ZFHX3: variants seen among roughly 807,000 people sequenced by gnomAD.
The protein encoded by ZFHX3 is zinc finger homeobox 3.
Under a neutral mutation model 279.1 loss-of-function variants are expected in ZFHX3, and 42 were observed. The observed-to-expected ratio is 0.15, with a 90% CI of 0.12 to 0.19. The LOEUF is 0.19. ZFHX3 is among the 10% of genes least tolerant of loss of function. ZFHX3 has a pLI of 1.00. For missense variants in ZFHX3, 4,981 were observed against 4,754.0 expected, an observed-to-expected ratio of 1.05 and a Z score of -1.40; for synonymous variants, 2,293 against 1,957.8, an observed-to-expected ratio of 1.17 and a Z score of -4.52.
At chr16:73,036,617 G>A (rs886540147) in intron 1 of ZFHX3, among the ~76,000 whole-genome samples, 8 of 152,106 alleles carry the variant, frequency 5.3e-5, no homozygotes, top group Non-Finnish European at 1.0e-4. Context: ...GGTAGAGGAA[G>A]AGGAGGGGAG....
intron 5 of ZFHX3, among the ~76,000 whole-genome samples, chr16:72,815,847 G>T (rs181077343): frequency 6.6e-6 from 1 of 152,204 alleles, no homozygotes; most frequent in Non-Finnish European, 1.5e-5. Context: ...ACAACTTGAA[G>T]CGTTAGTAAC....
intron 2 of ZFHX3, among the ~76,000 whole-genome samples, chr16:73,473,867 G>T (rs11647009): frequency 6.6e-6 from 1 of 151,790 alleles, no homozygotes; most frequent in Non-Finnish European, 1.5e-5. Context: ...TGTTTCTGAA[G>T]ATCGCAAGAT....
At chr16:73,656,863 C>G (rs2052726535) in intron 2 of ZFHX3, among the ~76,000 whole-genome samples, 1 of 152,154 alleles carries the variant, frequency 6.6e-6, no homozygotes, top group Non-Finnish European at 1.5e-5. Context: ...ATGTTAAGAA[C>G]AGCCAATGCA....
intron 1 of ZFHX3, among the ~76,000 whole-genome samples, chr16:73,817,301 T>G (rs1487036503): frequency 3.3e-5 from 5 of 152,206 alleles, no homozygotes; most frequent in Non-Finnish European, 2.9e-5. Context: ...TACCTTCTAA[T>G]CAATGTAATT....
At chr16:73,881,240 A>G (rs1034179127) in intron 1 of ZFHX3, among the ~76,000 whole-genome samples, 1 of 152,158 alleles carries the variant, frequency 6.6e-6, no homozygotes, top group African/African-American at 2.4e-5. Flanking sequence ...CCATTTTCAC[A>G]TAATGGATGG....
chr16:73,065,198 T>G (rs895791835), intron 8 of ZFHX3, among the ~76,000 whole-genome samples: 2 of 152,216 alleles, frequency 1.3e-5, no homozygotes, highest in Admixed American at 1.3e-4. Flanking sequence ...CACATAGCCC[T>G]CCTGGGCCAG....
At chr16:73,820,919 C>T (rs966933276) in intron 1 of ZFHX3, among the ~76,000 whole-genome samples, 2 of 151,716 alleles carry the variant, frequency 1.3e-5, no homozygotes, top group African/African-American at 4.8e-5. Flanking sequence ...TCATCATCAC[C>T]CTATTTACTA....
chr16:73,741,474 T>C (rs1302096678), intron 1 of ZFHX3, among the ~76,000 whole-genome samples: 1 of 152,188 alleles, frequency 6.6e-6, no homozygotes, highest in African/African-American at 2.4e-5. Flanking sequence ...CCTCCCATGC[T>C]GCACGTGTGC....
At chr16:73,525,532 C>T (rs1024151887) in intron 2 of ZFHX3, among the ~76,000 whole-genome samples, 7 of 152,142 alleles carry the variant, frequency 4.6e-5, no homozygotes, top group Admixed American at 1.3e-4. Context: ...ACAAACTCCG[C>T]GTGGACATCC....
At chr16:73,348,127 C>A (rs974250771) in intron 3 of ZFHX3, among the ~76,000 whole-genome samples, 1 of 152,164 alleles carries the variant, frequency 6.6e-6, no homozygotes, top group Non-Finnish European at 1.5e-5. Flanking sequence ...TGAACTTGGG[C>A]AGGCCGACTG....
At chr16:73,162,474 T>TAATA (rs1280468420) in intron 5 of ZFHX3, among the ~76,000 whole-genome samples, 1 of 152,230 alleles carries the variant, frequency 6.6e-6, no homozygotes, top group Non-Finnish European at 1.5e-5. Flanking sequence ...TATTCCAATG[T>TAATA]AATAATTATA....
chr16:73,186,117 C>G (rs369685112), intron 5 of ZFHX3, among the ~76,000 whole-genome samples: 1 of 152,096 alleles, frequency 6.6e-6, no homozygotes, highest in Non-Finnish European at 1.5e-5. Flanking sequence ...TGCAAGAAAA[C>G]AAGCTCAGGG....
intron 5 of ZFHX3, among the ~76,000 whole-genome samples, chr16:73,198,308 C>T (rs1324709388): frequency 1.3e-5 from 2 of 150,988 alleles, no homozygotes; most frequent in African/African-American, 4.9e-5. Context: ...GCATGAATAC[C>T]ATTGGTTACT....
At chr16:73,747,948 C>T (rs2053719372) in intron 1 of ZFHX3, among the ~76,000 whole-genome samples, 1 of 152,130 alleles carries the variant, frequency 6.6e-6, no homozygotes, top group Admixed American at 6.6e-5. Context: ...CATAAACTGT[C>T]AATTTTGTTA....
At chr16:73,663,485 A>G (rs748180900) in intron 2 of ZFHX3, among the ~76,000 whole-genome samples, 1 of 152,222 alleles carries the variant, frequency 6.6e-6, no homozygotes, top group Non-Finnish European at 1.5e-5. Context: ...AATTTTGCCA[A>G]CAACTTCCTG....
chr16:72,873,992 T>A (rs2038232538), intron 4 of ZFHX3, among the ~76,000 whole-genome samples: 1 of 152,186 alleles, frequency 6.6e-6, no homozygotes, highest in Non-Finnish European at 1.5e-5. Flanking sequence ...ACACTCACTT[T>A]ATTCAAAGCA....
At chr16:73,481,538 A>AT (rs77005877) in intron 2 of ZFHX3, among the ~76,000 whole-genome samples, 46,056 of 151,736 alleles carry the variant, frequency 0.3, 7,511 homozygotes, top group African/African-American at 0.4. Context: ...GTCTCAGGTG[A>AT]TCCCCCCTAC....
intron 3 of ZFHX3, among the ~76,000 whole-genome samples, chr16:73,434,113 C>T (rs1475871987): frequency 6.6e-6 from 1 of 152,212 alleles, no homozygotes; most frequent in Non-Finnish European, 1.5e-5. Context: ...CGCCCAAACA[C>T]ACACTGTAAT....
chr16:73,769,112 T>C (rs892606844), intron 1 of ZFHX3, among the ~76,000 whole-genome samples: 8 of 152,216 alleles, frequency 5.3e-5, no homozygotes, highest in African/African-American at 1.9e-4. Flanking sequence ...CTGGCAAGCC[T>C]GACCCTGACC....
Sources: allele counts gnomAD v4.1 joint callset (sites outside exome capture counted in the v4.1 genomes callset), GRCh38; gene constraint gnomAD v4.1.1; transcripts MANE v1.5; gene names NCBI Gene and HGNC (gene_info 2026-07-23, HGNC 2026-07-21).